RAB3C: variants seen among roughly 807,000 people sequenced by gnomAD.
RAB3C encodes RAB3C, member RAS oncogene family, also known as ras-related protein Rab-3C.
Under a neutral mutation model 26.4 loss-of-function variants are expected in RAB3C, and 17 were observed. That is an observed-to-expected ratio of 0.64 (90% CI 0.44 to 0.97). The LOEUF is 0.97. RAB3C is among the 50% of genes least tolerant of loss of function. The pLI, the probability that RAB3C is intolerant of heterozygous loss-of-function variation, is 0.00. For missense variants in RAB3C, 242 were observed against 281.9 expected, an observed-to-expected ratio of 0.86 and a Z score of 1.01; for synonymous variants, 91 against 95.9, an observed-to-expected ratio of 0.95 and a Z score of 0.30.
intron 1 of RAB3C, among the ~76,000 whole-genome samples, chr5:58,591,340 A>C (rs1432845053): frequency 1.3e-5 from 2 of 151,936 alleles, no homozygotes; most frequent in African/African-American, 2.4e-5. Context: ...AGGTTTTCAA[A>C]TCTCCAGCTA....
intron 3 of RAB3C, among the ~76,000 whole-genome samples, chr5:58,760,305 C>G (rs964705543): frequency 1.3e-5 from 2 of 152,078 alleles, no homozygotes. Context: ...TATGAGCTCC[C>G]GGATGGAATG....
intron 2 of RAB3C, among the ~76,000 whole-genome samples, chr5:58,626,283 A>C (rs433188): frequency 0.19 from 29,029 of 152,112 alleles, 3,064 homozygotes; most frequent in Admixed American, 0.28. Context: ...GTAGGTATGA[A>C]GATCTTTTAA....
chr5:58,692,318 A>C (rs189454766), intron 2 of RAB3C, among the ~76,000 whole-genome samples: 2 of 150,806 alleles, frequency 1.3e-5, no homozygotes, highest in Admixed American at 6.7e-5. Context: ...TATTAGTCAG[A>C]AATGCAAATA....
At position 58,619,405 on chromosome 5, in the gene RAB3C, T is replaced by C. The variant is rs552771017; in HGVS notation, c.252+1535T>C. Among the ~76,000 whole-genome samples the C allele has an allele frequency of 2.0e-5, 3 of 152,338 alleles. No homozygotes were observed. In the South Asian group the frequency reaches 6.2e-4, roughly 32 times the overall value. ...TGGGTCCTGATTCATTCTCTTCCTT[T>C]TGAATTGCAGGCAATCCAATTGTTA... On this transcript the variant is annotated intron_variant, in intron 2 of 4. Transcript: ENST00000282878.
At chr5:58,693,849 GC>G (rs1217531435) in intron 2 of RAB3C, among the ~76,000 whole-genome samples, 16 of 152,278 alleles carry the variant, frequency 1.1e-4, no homozygotes, top group African/African-American at 3.8e-4. Flanking sequence ...AGAGTCACAG[GC>G]ATCTGGGGGC....
rs78705388 is a variant in RAB3C, at chr5:58,589,277, T to C, written c.24+6045T>C. On this transcript the variant is annotated intron_variant, in intron 1 of 4. Coordinates refer to ENST00000282878, the MANE Select transcript of RAB3C (RefSeq NM_138453.4). ...CTTAGATAAACCCTATTGGTCATGA[T>C]ATATTGTCCTTTCTATATATAGCTG... is the stretch of plus-strand genomic sequence containing the variant. 4.6e-4 allele frequency among the ~76,000 whole-genome samples: 70 copies of C among 152,304 alleles called. 1 individual carries two copies. The East Asian group carries it at 0.013, about 29-fold the overall frequency.
intron 3 of RAB3C, among the ~76,000 whole-genome samples, chr5:58,819,367 A>T (rs1158673426): frequency 1.3e-5 from 2 of 152,234 alleles, no homozygotes; most frequent in Non-Finnish European, 2.9e-5. Flanking sequence ...CTATCCCAGC[A>T]TTCTTCTGAT....
At chr5:58,663,745 G>A (rs1747949299) in intron 2 of RAB3C, among the ~76,000 whole-genome samples, 1 of 152,052 alleles carries the variant, frequency 6.6e-6, no homozygotes, top group South Asian at 2.1e-4. Context: ...AATGGATGCA[G>A]TAGAAAACAA....
At chr5:58,725,817 A>G (rs1740877694) in intron 2 of RAB3C, among the ~76,000 whole-genome samples, 185 bp from the exon 3 acceptor site, 1 of 151,914 alleles carries the variant, frequency 6.6e-6, no homozygotes, top group South Asian at 2.1e-4. Context: ...ATCTACATCT[A>G]TTATGTATCA....
chr5:58,781,510 G>A (rs571476903), intron 3 of RAB3C, among the ~76,000 whole-genome samples: 1 of 151,616 alleles, frequency 6.6e-6, no homozygotes, highest in Non-Finnish European at 1.5e-5. Context: ...CAGGGAACAA[G>A]TTAATTTATT....
Position 58,854,074 on chromosome 5 carries a change from C to CACACACACAT in RAB3C, c.*2723_*2724insACACACACAT, listed in dbSNP as rs3221934. On this transcript the variant is annotated 3_prime_UTR_variant, in exon 5 of 5. Coordinates refer to ENST00000282878, the MANE Select transcript of RAB3C (RefSeq NM_138453.4). ...ACACACACACACACACACACACACA[C>CACACACACAT]TATACCATCATCTATCAATAGTCTA... The CACACACACAT allele has an allele frequency of 6.6e-6, 1 of 150,744 alleles. No individual in the cohort carries two copies. The highest frequency in any genetic ancestry group is 2.5e-5 in the African/African-American group (1 of 40,800). The allele number at this position is 150,744 out of a possible 1,614,324, so 9.3% of individuals were successfully genotyped here. A position where few individuals can be genotyped will look rare whatever the true frequency, so the allele number is the denominator to read the frequency against.
chr5:58,738,364 A>G (rs1286819562), intron 3 of RAB3C, among the ~76,000 whole-genome samples: 1 of 152,214 alleles, frequency 6.6e-6, no homozygotes. Flanking sequence ...CCAAACAGAC[A>G]AAGCTGGGCT....
At chr5:58,588,503 C>T (rs539889869) in intron 1 of RAB3C, among the ~76,000 whole-genome samples, 1 of 152,264 alleles carries the variant, frequency 6.6e-6, no homozygotes, top group African/African-American at 2.4e-5. Context: ...ACTTATATAT[C>T]TTCCCTTGTG....
At chr5:58,779,870 G>T (rs1742235357) in intron 3 of RAB3C, among the ~76,000 whole-genome samples, 1 of 152,050 alleles carries the variant, frequency 6.6e-6, no homozygotes, top group South Asian at 2.1e-4. Flanking sequence ...GATATATAGT[G>T]CCAGCAAGCA....
intron 3 of RAB3C, among the ~76,000 whole-genome samples, chr5:58,782,648 T>C (rs1443512064): frequency 6.6e-6 from 1 of 152,158 alleles, no homozygotes; most frequent in Non-Finnish European, 1.5e-5. Flanking sequence ...TCAGAAATAA[T>C]TTCAATGATA....
intron 4 of RAB3C, among the ~76,000 whole-genome samples, chr5:58,829,112 C>A (rs1465603513): frequency 6.6e-6 from 1 of 151,856 alleles, no homozygotes; most frequent in Non-Finnish European, 1.5e-5. Context: ...ACCGTGTTAG[C>A]CAGGATGGTC....
At chr5:58,632,858 T>A (rs1213773049) in intron 2 of RAB3C, among the ~76,000 whole-genome samples, 3 of 152,194 alleles carry the variant, frequency 2.0e-5, no homozygotes, top group Admixed American at 2.0e-4. Context: ...CTAACTTTGC[T>A]TTGGATTCTT....
chr5:58,645,185 G>T (rs1747491085), intron 2 of RAB3C, among the ~76,000 whole-genome samples: 1 of 152,188 alleles, frequency 6.6e-6, no homozygotes, highest in Admixed American at 6.5e-5. Flanking sequence ...AAATGAGACT[G>T]AACACATTTC....
At chr5:58,755,145 G>A (rs1561310849) in intron 3 of RAB3C, among the ~76,000 whole-genome samples, 1 of 152,180 alleles carries the variant, frequency 6.6e-6, no homozygotes, top group Non-Finnish European at 1.5e-5. Flanking sequence ...GTATTTCCAA[G>A]GAGGATAACA....
Sources: allele counts gnomAD v4.1 joint callset (sites outside exome capture counted in the v4.1 genomes callset), GRCh38; gene constraint gnomAD v4.1.1; transcripts MANE v1.5; gene names NCBI Gene and HGNC (gene_info 2026-07-23, HGNC 2026-07-21).